The following GALNT1 variants were observed in gnomAD, a reference collection of about 807,000 sequenced individuals.
The protein encoded by GALNT1 is GalNAc transferase 1.
A neutral mutation model predicts 65.7 loss-of-function variants in GALNT1; 17 were observed. That is an observed-to-expected ratio of 0.26 (90% CI 0.18 to 0.39). The LOEUF (loss-of-function observed/expected upper bound fraction) is 0.39, where lower values mean the gene tolerates loss of function less well. Ranked by LOEUF, GALNT1 falls within the 10% of genes least tolerant of loss-of-function variation. The pLI is 1.00. For synonymous variants in GALNT1, 210 were observed against 219.7 expected (o/e 0.96, Z 0.39); for missense variants, 460 against 672.8 (o/e 0.68, Z 3.50).
In GALNT1 at chr18:35,703,624, T is replaced by G; in HGVS notation, c.1514T>G (p.Leu505Arg). The G allele has an allele frequency of 6.2e-7, 1 of 1,613,926 alleles. No individual in the cohort carries two copies. The highest frequency in any genetic ancestry group is 8.5e-7 in the Non-Finnish European group (1 of 1,179,920). Reference sequence around the variant, plus strand: ...TGCCACCACCTAAAAGGCAACCAACTCTGGGAGTATGACCCAGTGGTAAGT... The same window carrying G: ...TGCCACCACCTAAAAGGCAACCAACGCTGGGAGTATGACCCAGTGGTAAGT... Reference protein sequence around the residue: ...LKCHHLKGNQLWEYDPVKLTL... With the variant: ...LKCHHLKGNQRWEYDPVKLTL... The change falls in exon 11 of 12, where the codon CTC becomes CGC. Residue 505 changes from leucine to arginine, a missense_variant. By Grantham distance (102) the Leu-to-Arg change is moderately radical. Coordinates refer to ENST00000269195, the MANE Select transcript of GALNT1 (RefSeq NM_020474.4).
intron 1 of GALNT1, among the ~76,000 whole-genome samples, chr18:35,631,449 G>C (rs144801446): frequency 0.1 from 15,481 of 151,994 alleles, 1,011 homozygotes; most frequent in African/African-American, 0.19. Flanking sequence ...GAACCAACGA[G>C]AAAAGCCACA....
intron 1 of GALNT1, among the ~76,000 whole-genome samples, chr18:35,647,034 CT>C (rs1246866626): frequency 6.6e-6 from 1 of 152,212 alleles, no homozygotes; most frequent in Non-Finnish European, 1.5e-5. Flanking sequence ...CCCATCGTAT[CT>C]CTTGTATCTT....
chr18:35,676,573 C>T (rs947556102), intron 3 of GALNT1, among the ~76,000 whole-genome samples: 2 of 152,204 alleles, frequency 1.3e-5, no homozygotes, highest in African/African-American at 4.8e-5. Flanking sequence ...CCATCCTTCC[C>T]TTTTCCCACT....
intron 1 of GALNT1, among the ~76,000 whole-genome samples, chr18:35,583,233 C>T (rs1205132886): frequency 2.0e-5 from 3 of 152,160 alleles, no homozygotes; most frequent in Admixed American, 1.3e-4. Flanking sequence ...ACCTCAGACT[C>T]AAGTAATGCA....
chr18:35,591,302 A>G (rs764542848), intron 1 of GALNT1, among the ~76,000 whole-genome samples: 10 of 152,306 alleles, frequency 6.6e-5, no homozygotes, highest in Admixed American at 3.3e-4. Flanking sequence ...GTCCTGCCCT[A>G]TGCTGTGGTA....
At chr18:35,649,431 T>C (rs1477308183) in intron 1 of GALNT1, among the ~76,000 whole-genome samples, 2 of 152,218 alleles carry the variant, frequency 1.3e-5, no homozygotes, top group Non-Finnish European at 1.5e-5. Flanking sequence ...TTTTATATAT[T>C]CCGGATACTA....
chr18:35,583,784 C>G (rs2046350777), intron 1 of GALNT1, among the ~76,000 whole-genome samples: 2 of 152,126 alleles, frequency 1.3e-5, no homozygotes, highest in South Asian at 4.1e-4. Flanking sequence ...GGTGAGAGAG[C>G]ATGGGACCAG....
intron 1 of GALNT1, among the ~76,000 whole-genome samples, chr18:35,597,846 C>A (rs1474640613): frequency 6.6e-6 from 1 of 152,010 alleles, no homozygotes; most frequent in Non-Finnish European, 1.5e-5. Flanking sequence ...TATGTAAATG[C>A]CTTGAAATTA....
chr18:35,632,805 A>T (rs2047032719), intron 1 of GALNT1, among the ~76,000 whole-genome samples: 1 of 152,218 alleles, frequency 6.6e-6, no homozygotes, highest in Non-Finnish European at 1.5e-5. Flanking sequence ...TACCCATCTG[A>T]CAAAGGGCTA....
intron 1 of GALNT1, among the ~76,000 whole-genome samples, chr18:35,649,089 C>T (rs932447713): frequency 6.6e-6 from 1 of 152,182 alleles, no homozygotes; most frequent in African/African-American, 2.4e-5. Context: ...TTTCCTTTCT[C>T]CTGAATAAAT....
intron 1 of GALNT1, among the ~76,000 whole-genome samples, chr18:35,604,719 G>A (rs1438992572): frequency 6.6e-6 from 1 of 152,118 alleles, no homozygotes; most frequent in African/African-American, 2.4e-5. Flanking sequence ...GTCTTCTTTT[G>A]AGAAGTGTCT....
chr18:35,703,456 A>T, intron 10 of GALNT1, 53 bp from the exon 11 acceptor site: 1 of 1,553,136 alleles, frequency 6.4e-7, no homozygotes, highest in Non-Finnish European at 8.8e-7. Context: ...TGGGCATTTA[A>T]AATGCTGACT....
chr18:35,709,566 T>G (rs1407553705), intron 11 of GALNT1, 58 bp from the exon 12 acceptor site: 6 of 1,576,054 alleles, frequency 3.8e-6, no homozygotes, highest in Non-Finnish European at 5.2e-6. Flanking sequence ...TCACCAAAAC[T>G]GATGCTTGAG....
At chr18:35,633,703 A>G (rs994186377) in intron 1 of GALNT1, among the ~76,000 whole-genome samples, 17 of 152,306 alleles carry the variant, frequency 1.1e-4, no homozygotes, top group African/African-American at 4.1e-4. Flanking sequence ...ATAATAAAAA[A>G]AATTATGTTG....
At chr18:35,646,491 A>C (rs913189197) in intron 1 of GALNT1, among the ~76,000 whole-genome samples, 1 of 152,230 alleles carries the variant, frequency 6.6e-6, no homozygotes, top group Admixed American at 6.5e-5. Flanking sequence ...GCCTGGCAGC[A>C]TAATGTTGGT....
At chr18:35,649,654 A>G (rs556736) in intron 1 of GALNT1, among the ~76,000 whole-genome samples, 37,986 of 152,042 alleles carry the variant, frequency 0.25, 5,716 homozygotes, top group Middle Eastern at 0.45. Flanking sequence ...TGTTCTATCT[A>G]GGGAATCTTT....
chr18:35,641,530 A>G (rs1320676149), intron 1 of GALNT1, among the ~76,000 whole-genome samples: 2 of 152,214 alleles, frequency 1.3e-5, no homozygotes, highest in Non-Finnish European at 2.9e-5. Flanking sequence ...AAAACACAAA[A>G]CAACACATCT....
At chr18:35,594,623 A>G (rs2046483565) in intron 1 of GALNT1, among the ~76,000 whole-genome samples, 1 of 152,210 alleles carries the variant, frequency 6.6e-6, no homozygotes, top group Admixed American at 6.5e-5. Context: ...GGTCCAATGA[A>G]GTGAGGGATT....
rs112217982 is a variant in GALNT1 at position 35,686,613 on chromosome 18, C to T, written c.690-403C>T. ...ATAGTTACAGCAGAAGAAAAAGGGA[C>T]CATTACATAAATAGTGGTGGAACAA... is the stretch of plus-strand genomic sequence containing the variant. On this transcript the variant is annotated intron_variant, in intron 5 of 11. Transcript: ENST00000269195. 6.3e-3 allele frequency among the ~76,000 whole-genome samples: 950 copies of T among 151,938 alleles called. 10 individuals are homozygous for T. The highest frequency in any genetic ancestry group is 0.021 in the African/African-American group (878 of 41,410).
Sources: allele counts gnomAD v4.1 joint callset (sites outside exome capture counted in the v4.1 genomes callset), GRCh38; gene constraint gnomAD v4.1.1; transcripts MANE v1.5; gene names NCBI Gene and HGNC (gene_info 2026-07-23, HGNC 2026-07-21).